The following GCC2 variants were observed in gnomAD, a reference collection of about 807,000 sequenced individuals.
GCC2 encodes GRIP and coiled-coil domain-containing protein 2.
A neutral mutation model predicts 210.6 loss-of-function variants in GCC2; 120 were observed. That is an observed-to-expected ratio of 0.57 (90% CI 0.49 to 0.66). The LOEUF is 0.66. Ranked by LOEUF, GCC2 falls within the 30% of genes least tolerant of loss-of-function variation. GCC2 has a pLI of 0.00. For synonymous variants in GCC2, 703 were observed against 652.7 expected (o/e 1.08, Z -1.17); for missense variants, 1,868 against 1,871.9 (o/e 1.00, Z 0.04).
At chr2:108,477,190 T>C (rs1279556547) in intron 9 of GCC2, among the ~76,000 whole-genome samples, 2 of 152,096 alleles carry the variant, frequency 1.3e-5, no homozygotes, top group African/African-American at 4.8e-5. Flanking sequence ...GACATCCTAC[T>C]CAAAGAGACA....
At chr2:108,489,771 T>C (rs917877831) in intron 17 of GCC2, 67 bp from the exon 18 acceptor site, 2 of 1,088,972 alleles carry the variant, frequency 1.8e-6, no homozygotes, top group Non-Finnish European at 1.3e-6. Context: ...GGTTAAACTA[T>C]ATTTAAAACC....
At chr2:108,490,121 A>C in intron 18 of GCC2, 107 bp downstream of exon 18, 1 of 811,134 alleles carries the variant, frequency 1.2e-6, no homozygotes, top group South Asian at 3.1e-5. Flanking sequence ...AAAATAAAAA[A>C]TAGACATTTC....
In GCC2 at chr2:108,486,516, G is replaced by C. The variant is rs1682146878; in HGVS notation, c.3798G>C (p.Gln1266His). The C allele has an allele frequency of 6.2e-7, 1 of 1,613,982 alleles. No homozygotes were observed. Among genetic ancestry groups the C allele is most frequent in the African/African-American group, 1.3e-5 (1 of 74,938 alleles). Reference protein sequence around the residue: ...SQQQVEVYKIQLAEITSEKHK... With the variant: ...SQQQVEVYKIHLAEITSEKHK... ...ATTTAAAGATTTACCCCCAGATACA[G>C]CTGGCTGAAATAACATCAGAGAAGC... Residue 1266 changes from glutamine to histidine, a missense_variant, in exon 16 of 23, where the codon CAG becomes CAC. Around this residue, in one of 3 missense-constraint regions of GCC2, gnomAD observed 1,847 missense variants for 1,765.2 expected, o/e 1.05. Coordinates refer to ENST00000309863, the MANE Select transcript of GCC2 (RefSeq NM_181453.4).
intron 16 of GCC2, 110 bp from the exon 17 acceptor site, chr2:108,487,589 A>G (rs898567578): frequency 9.1e-6 from 9 of 988,644 alleles, no homozygotes; most frequent in African/African-American, 6.6e-5. Flanking sequence ...AATGTCAGCC[A>G]TTTTTCTCAT....
intron 4 of GCC2, among the ~76,000 whole-genome samples, chr2:108,463,659 C>A (rs1460719197): frequency 6.6e-6 from 1 of 152,058 alleles, no homozygotes; most frequent in Non-Finnish European, 1.5e-5. Context: ...GTTAGCAGGC[C>A]AATTCTTGAG....
At chr2:108,475,955 C>T (rs1681493643) in intron 9 of GCC2, 105 bp downstream of exon 9, 5 of 603,694 alleles carry the variant, frequency 8.3e-6, no homozygotes, top group Admixed American at 3.5e-5. Flanking sequence ...AAACAATCAC[C>T]TTGTATTTTT....
chr2:108,473,267 CAA>C (rs1573374766), intron 7 of GCC2: 1 of 159,688 alleles, frequency 6.3e-6, no homozygotes, highest in East Asian at 1.9e-4. Context: ...GAGGTGTGGA[CAA>C]GATACAGTAC....
At chr2:108,465,292 T>G (rs1170873437) in intron 4 of GCC2, among the ~76,000 whole-genome samples, 1 of 152,266 alleles carries the variant, frequency 6.6e-6, no homozygotes, top group Admixed American at 6.5e-5. Flanking sequence ...AAGAGATGCC[T>G]CTAATCAGCC....
chr2:108,497,337 C>T (rs1301827502), intron 21 of GCC2, among the ~76,000 whole-genome samples: 1 of 152,158 alleles, frequency 6.6e-6, no homozygotes, highest in East Asian at 1.9e-4. Flanking sequence ...AGGATGGTCT[C>T]GATCTCCTGA....
Position 108,489,854 on chromosome 2 carries a change from C to G in GCC2, c.4069C>G (p.Leu1357Val). 2 of 1,599,066 alleles carry G rather than the reference C, an allele frequency of 1.3e-6. No homozygotes were observed. The highest frequency in any genetic ancestry group is 1.7e-6 in the Non-Finnish European group (2 of 1,174,696). The change falls in exon 18 of 23, where the codon CTG becomes GTG. Residue 1357 changes from leucine (L) to valine (V), a missense_variant. Coordinates refer to ENST00000309863, the MANE Select transcript of GCC2 (RefSeq NM_181453.4). ...CTGTTTTAGGGAACATCTGGAAATG[C>G]TGATTGACCAGCTAAAAATCAAATT... ...AKQEREHLEMLIDQLKIKLQD... is the reference protein window; with the variant it reads ...AKQEREHLEMVIDQLKIKLQD...
chr2:108,450,607 C>A (rs958195605), intron 2 of GCC2, among the ~76,000 whole-genome samples: 2 of 152,194 alleles, frequency 1.3e-5, no homozygotes, highest in Admixed American at 1.3e-4. Context: ...TGTGGCCGGG[C>A]GCGGTGGGTC....
chr2:108,451,320 T>G (rs1480404624), intron 3 of GCC2, among the ~76,000 whole-genome samples: 1 of 152,356 alleles, frequency 6.6e-6, no homozygotes, highest in East Asian at 1.9e-4. Context: ...CAGTGACTTT[T>G]GAGTTGTTAA....
intron 4 of GCC2, among the ~76,000 whole-genome samples, chr2:108,461,039 A>G (rs985485836): frequency 2.0e-5 from 3 of 152,186 alleles, no homozygotes; most frequent in African/African-American, 7.2e-5. Flanking sequence ...CCATGAGCCA[A>G]TTTAATCTCT....
intron 4 of GCC2, among the ~76,000 whole-genome samples, chr2:108,467,930 T>C (rs1680988761): frequency 6.6e-6 from 1 of 152,192 alleles, no homozygotes; most frequent in Admixed American, 6.5e-5. Context: ...TTTTAACTAT[T>C]TGATTTTTAA....
chr2:108,504,122 T>TA (rs995192373), intron 22 of GCC2, among the ~76,000 whole-genome samples: 7 of 151,438 alleles, frequency 4.6e-5, no homozygotes, highest in African/African-American at 7.3e-5. Context: ...ACCCCATCTT[T>TA]AAAAAAAAAT....
At chr2:108,454,051 C>T (rs1680108197) in intron 4 of GCC2, among the ~76,000 whole-genome samples, 1 of 152,034 alleles carries the variant, frequency 6.6e-6, no homozygotes, top group Non-Finnish European at 1.5e-5. Context: ...AGTGCAGTGG[C>T]ACAATCTCGG....
chr2:108,450,928 T>C, intron 2 of GCC2, 100 bp from the exon 3 acceptor site: 1 of 751,494 alleles, frequency 1.3e-6, no homozygotes, highest in Non-Finnish European at 2.3e-6. Context: ...AAAGATTTAT[T>C]CTGTAGAATG....
chr2:108,465,614 TACTTC>T (rs1680841524), intron 4 of GCC2, among the ~76,000 whole-genome samples: 1 of 152,222 alleles, frequency 6.6e-6, no homozygotes, highest in African/African-American at 2.4e-5. Flanking sequence ...TTTTTGGTTT[TACTTC>T]ACTTAGAATA....
intron 16 of GCC2, 76 bp from the exon 17 acceptor site, chr2:108,487,623 A>T: frequency 7.3e-7 from 1 of 1,364,582 alleles, no homozygotes; most frequent in Non-Finnish European, 1.0e-6. Flanking sequence ...TTTTTATCTC[A>T]ATTTGTTAAT....
Sources: gnomAD v4.1 joint callset for allele counts (sites outside exome capture counted in the v4.1 genomes callset) on GRCh38, gnomAD v4.1.1 for gene constraint, gnomAD v4.1.1 regional missense constraint, MANE v1.5 for transcripts, NCBI Gene and HGNC (gene_info 2026-07-23, HGNC 2026-07-21) for gene names.